Variants in CSNK1G3 observed in about 807,000 individuals in gnomAD.
CSNK1G3 encodes casein kinase I isoform gamma-3.
A neutral mutation model predicts 64.3 loss-of-function variants in CSNK1G3; 23 were observed. The observed-to-expected ratio is 0.36, with a 90% confidence interval of 0.26 to 0.51. The LOEUF (loss-of-function observed/expected upper bound fraction) is 0.51, where lower values mean the gene tolerates loss of function less well. CSNK1G3 is among the 20% of genes least tolerant of loss of function. The probability of loss-of-function intolerance (pLI) is 0.96; values close to 1 mark genes in which losing one functional copy is unlikely to be tolerated. For synonymous variants in CSNK1G3, 158 were observed against 162.2 expected (o/e 0.97, Z 0.20); for missense variants, 357 against 510.5 (o/e 0.70, Z 2.90).
At chr5:123,533,987 T>C (rs961544717) in intron 1 of CSNK1G3, among the ~76,000 whole-genome samples, 11 of 152,122 alleles carry the variant, frequency 7.2e-5, no homozygotes, top group South Asian at 2.1e-4. Context: ...CTGTTTTTTT[T>C]CTTCATAAAA....
intron 1 of CSNK1G3, among the ~76,000 whole-genome samples, chr5:123,543,006 A>T (rs923750532): frequency 2.7e-4 from 41 of 151,946 alleles, no homozygotes; most frequent in Admixed American, 2.5e-3. Flanking sequence ...GTATCTTCTA[A>T]TTCAAACATC....
chr5:123,587,487 G>A (rs1057294387), intron 6 of CSNK1G3, among the ~76,000 whole-genome samples: 4 of 152,132 alleles, frequency 2.6e-5, no homozygotes, highest in African/African-American at 9.7e-5. Flanking sequence ...ACAACAACTT[G>A]AAAATGACAG....
intron 1 of CSNK1G3, among the ~76,000 whole-genome samples, chr5:123,537,234 C>T (rs1259122679): frequency 2.2e-4 from 33 of 152,146 alleles, no homozygotes; most frequent in Non-Finnish European, 5.9e-5. Context: ...AGTATATATA[C>T]ATAATAGAAT....
chr5:123,532,379 T>A (rs993501660), intron 1 of CSNK1G3, among the ~76,000 whole-genome samples: 1 of 151,920 alleles, frequency 6.6e-6, no homozygotes, highest in South Asian at 2.1e-4. Flanking sequence ...TAATTTTTTA[T>A]AACAAGGTTG....
At chr5:123,608,510 A>C (rs12520739) in intron 12 of CSNK1G3, among the ~76,000 whole-genome samples, 57,325 of 151,996 alleles carry the variant, frequency 0.38, 11,870 homozygotes, top group East Asian at 0.66. Flanking sequence ...ATTTAGTTTA[A>C]TTATTTACTT....
chr5:123,609,956 G>A (rs1248379520), intron 12 of CSNK1G3, among the ~76,000 whole-genome samples: 1 of 152,156 alleles, frequency 6.6e-6, no homozygotes, highest in Non-Finnish European at 1.5e-5. Context: ...GGAGAGAGGA[G>A]AGACTTAGAC....
intron 6 of CSNK1G3, 128 bp downstream of exon 6, chr5:123,576,091 TCTAC>T (rs1445025583): frequency 1.7e-6 from 1 of 589,046 alleles, no homozygotes; most frequent in African/African-American, 1.9e-5. Context: ...ATTTATCACA[TCTAC>T]CTAGAGTTTA....
intron 4 of CSNK1G3, among the ~76,000 whole-genome samples, chr5:123,569,611 G>C (rs979293079): frequency 6.6e-6 from 1 of 152,212 alleles, no homozygotes; most frequent in Non-Finnish European, 1.5e-5. Flanking sequence ...TTAAGTATTG[G>C]AAAACTGTCA....
intron 6 of CSNK1G3, among the ~76,000 whole-genome samples, chr5:123,577,696 G>A (rs1789450692): frequency 6.6e-6 from 1 of 151,418 alleles, no homozygotes; most frequent in Non-Finnish European, 1.5e-5. Flanking sequence ...TATAACATTT[G>A]TAATTCTTAT....
At chr5:123,574,572 C>T (rs563306945) in intron 5 of CSNK1G3, among the ~76,000 whole-genome samples, 5 of 151,928 alleles carry the variant, frequency 3.3e-5, no homozygotes, top group African/African-American at 1.2e-4. Flanking sequence ...GTAATCCCAG[C>T]ACTTTGGGGA....
chr5:123,611,579 G>A (rs1796343173), intron 12 of CSNK1G3, among the ~76,000 whole-genome samples: 1 of 152,160 alleles, frequency 6.6e-6, no homozygotes. Flanking sequence ...ACTAAGCAAA[G>A]TAAATTGCTG....
chr5:123,569,001 A>G (rs1232813262), intron 4 of CSNK1G3, among the ~76,000 whole-genome samples: 1 of 152,238 alleles, frequency 6.6e-6, no homozygotes, highest in African/African-American at 2.4e-5. Flanking sequence ...ATCAAACAGC[A>G]ATTTGCAACA....
chr5:123,531,801 T>A (rs1779980071), intron 1 of CSNK1G3, among the ~76,000 whole-genome samples: 1 of 151,948 alleles, frequency 6.6e-6, no homozygotes, highest in African/African-American at 2.4e-5. Context: ...GATTAAGGTT[T>A]CAGTTAAAGA....
rs572661899 is a variant in CSNK1G3 at position 123,565,391 on chromosome 5, G to A, written c.289+7827G>A. Among the ~76,000 whole-genome samples the A allele has an allele frequency of 5.3e-5, 8 of 152,250 alleles. No homozygotes were observed. In the South Asian group the frequency reaches 1.7e-3, roughly 32 times the overall value. ...TTGATCTAGGAGTATAAGCATTTGT[G>A]CTAAAGGTTAAGAATGCCTTAATGC... On this transcript the variant is annotated intron_variant, in intron 4 of 12. Transcript: ENST00000345990.
intron 4 of CSNK1G3, 75 bp from the exon 5 acceptor site, chr5:123,573,318 A>C: frequency 6.8e-7 from 1 of 1,467,618 alleles, no homozygotes; most frequent in Non-Finnish European, 9.5e-7. Flanking sequence ...TAAAATTTTA[A>C]ATATCAGTTT....
chr5:123,562,936 A>G (rs1786063847), intron 4 of CSNK1G3, among the ~76,000 whole-genome samples: 1 of 152,040 alleles, frequency 6.6e-6, no homozygotes, highest in Non-Finnish European at 1.5e-5. Flanking sequence ...TGAATTGTTG[A>G]TATTTCATGA....
intron 8 of CSNK1G3, among the ~76,000 whole-genome samples, chr5:123,590,057 T>C (rs968464579): frequency 6.6e-6 from 1 of 152,148 alleles, no homozygotes; most frequent in Non-Finnish European, 1.5e-5. Context: ...ATTTATAAAC[T>C]GAATATGATG....
At chr5:123,593,200 T>TAC (rs775669511) in intron 10 of CSNK1G3, among the ~76,000 whole-genome samples, 12 of 91,820 alleles carry the variant, frequency 1.3e-4, no homozygotes, top group East Asian at 2.4e-4. Flanking sequence ...TGTGTGTATA[T>TAC]ATACACACAC....
chr5:123,567,757 A>G (rs1378488848), intron 4 of CSNK1G3, among the ~76,000 whole-genome samples: 1 of 152,230 alleles, frequency 6.6e-6, no homozygotes, highest in Non-Finnish European at 1.5e-5. Context: ...TGGGTATGAC[A>G]TATTAGGTTG....
Sources: allele counts gnomAD v4.1 joint callset (sites outside exome capture counted in the v4.1 genomes callset), GRCh38; gene constraint gnomAD v4.1.1; transcripts MANE v1.5; gene names NCBI Gene and HGNC (gene_info 2026-07-23, HGNC 2026-07-21).